Variants in GPBP1L1 observed in about 807,000 individuals in gnomAD.
GPBP1L1 encodes the protein vasculin-like protein 1.
In GPBP1L1, 23 loss-of-function variants were observed where a neutral mutation model predicts 52.5. The observed-to-expected ratio is 0.44, with a 90% CI of 0.32 to 0.62. The LOEUF is 0.62. GPBP1L1 is among the 20% of genes least tolerant of loss of function. GPBP1L1 has a pLI of 0.06. For missense variants in GPBP1L1, 596 were observed against 579.3 expected, an observed-to-expected ratio of 1.03 and a Z score of -0.30; for synonymous variants, 243 against 203.1, an observed-to-expected ratio of 1.20 and a Z score of -1.67.
chr1:45,672,254 C>T (rs554633919), intron 2 of GPBP1L1, among the ~76,000 whole-genome samples: 376 of 149,300 alleles, frequency 2.5e-3, no homozygotes, highest in Non-Finnish European at 4.2e-3. Context: ...CCCAACTACT[C>T]GGGAGGCTGA....
At chr1:45,633,892 G>T in intron 9 of GPBP1L1, 1 of 665,460 alleles carries the variant, frequency 1.5e-6, no homozygotes, top group Non-Finnish European at 2.5e-6. Flanking sequence ...TCTAACATAG[G>T]ATGACCTTGG....
At chr1:45,654,459 G>T in intron 6 of GPBP1L1, 84 bp downstream of exon 6, 1 of 1,258,406 alleles carries the variant, frequency 7.9e-7, no homozygotes, top group Non-Finnish European at 1.1e-6. Context: ...TGTAATTTCT[G>T]AAATGTTCTC....
intron 2 of GPBP1L1, among the ~76,000 whole-genome samples, chr1:45,671,209 C>CTTTT (rs5773890): frequency 1.7e-4 from 17 of 99,796 alleles, no homozygotes; most frequent in East Asian, 3.2e-4. Context: ...GGCTCTCTGG[C>CTTTT]TTTTTTTTTT....
At chr1:45,642,553 T>C in intron 6 of GPBP1L1, 54 bp from the exon 7 acceptor site, 1 of 1,395,980 alleles carries the variant, frequency 7.2e-7, no homozygotes, top group South Asian at 1.2e-5. Flanking sequence ...ATTTTGGCAC[T>C]TTTCACAAAG....
At chr1:45,656,199 A>C (rs1264348641) in intron 4 of GPBP1L1, 1 of 152,234 alleles carries the variant, frequency 6.6e-6, no homozygotes, top group Non-Finnish European at 1.5e-5. Flanking sequence ...AGAAAAAATA[A>C]GTCTTTGAGG....
At chr1:45,638,757 T>G (rs145661568) in intron 8 of GPBP1L1, among the ~76,000 whole-genome samples, 1 of 152,118 alleles carries the variant, frequency 6.6e-6, no homozygotes, top group African/African-American at 2.4e-5. Context: ...CTGGGCAATA[T>G]AGTGAGACCC....
chr1:45,632,728 A>G (rs1373062654), intron 10 of GPBP1L1, among the ~76,000 whole-genome samples: 1 of 152,224 alleles, frequency 6.6e-6, no homozygotes, highest in South Asian at 2.1e-4. Flanking sequence ...AAATAAATAA[A>G]TAAGAAAGAA....
chr1:45,675,333 A>T (rs1032786049), intron 2 of GPBP1L1, among the ~76,000 whole-genome samples: 2 of 152,052 alleles, frequency 1.3e-5, no homozygotes, highest in Non-Finnish European at 2.9e-5. Flanking sequence ...ATAAAAAAAT[A>T]AAAAATTCTT....
At chr1:45,670,415 T>C (rs1645060147) in intron 2 of GPBP1L1, among the ~76,000 whole-genome samples, 3 of 152,242 alleles carry the variant, frequency 2.0e-5, no homozygotes. Context: ...TTCTTTCCCA[T>C]GTCTTGATGA....
At chr1:45,678,683 T>C (rs1645176572) in intron 2 of GPBP1L1, among the ~76,000 whole-genome samples, 1 of 152,008 alleles carries the variant, frequency 6.6e-6, no homozygotes, top group Non-Finnish European at 1.5e-5. Flanking sequence ...CACTGAAAAA[T>C]AAAGACTATA....
chr1:45,651,527 T>G, intron 6 of GPBP1L1: 1 of 527,588 alleles, frequency 1.9e-6, no homozygotes, highest in Admixed American at 2.8e-5. Context: ...TGATCTGTAC[T>G]TGTGGGCCAG....
chr1:45,684,306 AG>A (rs1302882172), intron 2 of GPBP1L1, among the ~76,000 whole-genome samples: 7 of 151,900 alleles, frequency 4.6e-5, no homozygotes, highest in Admixed American at 4.6e-4. Context: ...AGGAAAAAAA[AG>A]TAAGTAACAA....
chr1:45,662,069 T>C (rs1644953579), intron 2 of GPBP1L1, among the ~76,000 whole-genome samples: 1 of 152,210 alleles, frequency 6.6e-6, no homozygotes, highest in Non-Finnish European at 1.5e-5. Flanking sequence ...AAAACTTTTA[T>C]AATCTAACTT....
intron 8 of GPBP1L1, among the ~76,000 whole-genome samples, chr1:45,639,325 A>G (rs1022728716): frequency 2.6e-5 from 4 of 152,206 alleles, no homozygotes; most frequent in Admixed American, 1.3e-4. Context: ...CATAGAGAGA[A>G]TAACAGGGAC....
chr1:45,648,765 C>T (rs564377851), intron 6 of GPBP1L1, among the ~76,000 whole-genome samples: 18 of 152,312 alleles, frequency 1.2e-4, no homozygotes, highest in Admixed American at 3.3e-4. Context: ...CAGTGGCTCA[C>T]GCCTGTAATC....
At chr1:45,649,662 A>G (rs1434422539) in intron 6 of GPBP1L1, among the ~76,000 whole-genome samples, 1 of 152,200 alleles carries the variant, frequency 6.6e-6, no homozygotes, top group African/African-American at 2.4e-5. Context: ...CACTACTGGT[A>G]ATTTTAATAT....
chr1:45,642,546 T>C (rs1644687713), intron 6 of GPBP1L1, 47 bp from the exon 7 acceptor site: 1 of 1,491,652 alleles, frequency 6.7e-7, no homozygotes, highest in African/African-American at 1.4e-5. Context: ...GCTGATCATT[T>C]TGGCACTTTT....
chr1:45,633,696 C>G (rs763518820), intron 9 of GPBP1L1, 49 bp from the exon 10 acceptor site: 1 of 1,583,356 alleles, frequency 6.3e-7, no homozygotes, highest in Admixed American at 1.8e-5. Context: ...AGAGCAAGAA[C>G]TGGGGTTCTC....
chr1:45,648,414 C>G (rs1644778932), intron 6 of GPBP1L1, among the ~76,000 whole-genome samples: 1 of 152,190 alleles, frequency 6.6e-6, no homozygotes, highest in African/African-American at 2.4e-5. Context: ...CCCAGAGCCC[C>G]TGTATTTACT....
Sources: gnomAD v4.1 joint callset for allele counts (sites outside exome capture counted in the v4.1 genomes callset) on GRCh38, gnomAD v4.1.1 for gene constraint, MANE v1.5 for transcripts, NCBI Gene and HGNC (gene_info 2026-07-23, HGNC 2026-07-21) for gene names.